DENND5B: variants seen among roughly 807,000 people sequenced by gnomAD.
DENND5B encodes DENN domain containing 5B.
A neutral mutation model predicts 140.6 loss-of-function variants in DENND5B; 34 were observed. That is an observed-to-expected ratio of 0.24 (90% CI 0.18 to 0.32). DENND5B has a LOEUF of 0.32. Ranked by LOEUF, DENND5B falls within the 10% of genes least tolerant of loss-of-function variation. DENND5B has a pLI of 1.00. For synonymous variants in DENND5B, 551 were observed against 562.1 expected (o/e 0.98, Z 0.28); for missense variants, 1,142 against 1,560.2 (o/e 0.73, Z 4.52).
At chr12:31,542,888 G>A (rs1230512089) in intron 1 of DENND5B, among the ~76,000 whole-genome samples, 1 of 152,130 alleles carries the variant, frequency 6.6e-6, no homozygotes, top group Non-Finnish European at 1.5e-5. Flanking sequence ...CCTGGGAGGT[G>A]GAAGTTGCAG....
At chr12:31,406,576 T>C (rs1942136216) in intron 14 of DENND5B, among the ~76,000 whole-genome samples, 1 of 152,192 alleles carries the variant, frequency 6.6e-6, no homozygotes. Context: ...TCTCATTTCT[T>C]GCACTGCTAA....
rs771993761 is a variant in DENND5B, at chr12:31,479,614, C to T, written c.879G>A (p.Glu293=). Residue 293 remains glutamate, a synonymous_variant, in exon 3 of 21, where the codon GAG becomes GAA. Transcript: ENST00000389082. ...CTTGTGAGTAGAGAAGGATTTGCAT[C>T]TCTAAAAGAACACAGGTAAACACCT... The part of the protein sequence containing the change: ...LVQVFTCVLL[E]MQILLYSQDY... 1.3e-6 allele frequency: 2 copies of T among 1,502,302 alleles called. No homozygotes were observed. The highest frequency in any genetic ancestry group is 1.8e-6 in the Non-Finnish European group (2 of 1,127,330). 93.1% of individuals were successfully genotyped at this position (1,502,302 alleles called of 1,614,324 possible).
In DENND5B at chr12:31,479,719, C is replaced by G. The variant is rs1197616605; in HGVS notation, c.774G>C (p.Arg258Ser). 1.3e-6 allele frequency: 2 copies of G among 1,598,350 alleles called. No homozygotes were observed. The highest frequency in any genetic ancestry group is 3.5e-5 in the Admixed American group (2 of 56,884). The change falls in exon 3 of 21, where the codon AGG becomes AGC. Residue 258 changes from arginine (R) to serine (S), a missense_variant. By Grantham distance (110) the Arg-to-Ser change is moderately radical. Coordinates refer to ENST00000389082, the MANE Select transcript of DENND5B (RefSeq NM_144973.4). Reference sequence around the variant, plus strand: ...AGAGGGGGAGTTCACTGGGCCCAGGCCTCTGGCAGATGACAGGTTCATAAA... The same window carrying G: ...AGAGGGGGAGTTCACTGGGCCCAGGGCTCTGGCAGATGACAGGTTCATAAA... ...YGVYEPVICQRPGPSELPLSD... is the reference protein window; with the variant it reads ...YGVYEPVICQSPGPSELPLSD...
intron 2 of DENND5B, among the ~76,000 whole-genome samples, chr12:31,494,181 T>TATCTATCTATCTATCTATCC (rs1268264034): frequency 1.5e-4 from 13 of 85,778 alleles, no homozygotes; most frequent in African/African-American, 6.0e-4. Flanking sequence ...TCTATCTATC[T>TATCTATCTATCTATCTATCC]ATCCATCCAT....
At chr12:31,465,041 G>C (rs1389727783) in intron 3 of DENND5B, 2 of 152,214 alleles carry the variant, frequency 1.3e-5, no homozygotes, top group Non-Finnish European at 2.9e-5. Flanking sequence ...AAAACATACT[G>C]TCAAAAATGT....
intron 1 of DENND5B, among the ~76,000 whole-genome samples, chr12:31,500,959 T>C (rs7307616): frequency 0.56 from 84,741 of 151,978 alleles, 24,075 homozygotes; most frequent in East Asian, 0.82. Flanking sequence ...GTATATCTGA[T>C]AAGTACTCAT....
chr12:31,509,551 A>G (rs1274634821), intron 1 of DENND5B, among the ~76,000 whole-genome samples: 1 of 152,232 alleles, frequency 6.6e-6, no homozygotes, highest in Non-Finnish European at 1.5e-5. Context: ...AAATAAATAC[A>G]TAAAAATAAT....
intron 4 of DENND5B, among the ~76,000 whole-genome samples, chr12:31,453,652 A>G (rs992718886): frequency 1.3e-5 from 2 of 152,148 alleles, no homozygotes; most frequent in African/African-American, 4.8e-5. Context: ...AAGCTTCACT[A>G]TGTGTTTCTC....
chr12:31,582,504 T>A (rs1950237219), intron 1 of DENND5B, among the ~76,000 whole-genome samples: 1 of 152,180 alleles, frequency 6.6e-6, no homozygotes, highest in Non-Finnish European at 1.5e-5. Context: ...AGCAAAGAGG[T>A]TTTTTAAAAA....
At chr12:31,552,167 T>C (rs1447492109) in intron 1 of DENND5B, among the ~76,000 whole-genome samples, 1 of 152,146 alleles carries the variant, frequency 6.6e-6, no homozygotes, top group Non-Finnish European at 1.5e-5. Flanking sequence ...ATGCTTCCAG[T>C]TTTTGCCCAT....
At position 31,382,322 on chromosome 12, in the gene DENND5B, A is replaced by T. The variant is rs1285768971; in HGVS notation, c.*5281T>A. 2.0e-5 allele frequency: 3 copies of T among 152,194 alleles called. No homozygotes were observed. The highest frequency in any genetic ancestry group is 2.9e-5 in the Non-Finnish European group (2 of 68,028). The allele number at this position is 152,194 out of a possible 1,614,324, so 9.4% of individuals were successfully genotyped here. ...AAAAACCCACGTCAGTTTGTCTGAT[A>T]TGTATGTTAAAGTGCTTAATATCAC... On this transcript the variant is annotated 3_prime_UTR_variant, in exon 21 of 21. Coordinates refer to ENST00000389082, the MANE Select transcript of DENND5B (RefSeq NM_144973.4).
intron 1 of DENND5B, among the ~76,000 whole-genome samples, chr12:31,565,245 C>A (rs1300297576): frequency 7.2e-5 from 11 of 151,996 alleles, no homozygotes; most frequent in Admixed American, 7.2e-4. Flanking sequence ...AATAAAAAAA[C>A]CAGCTAGGTG....
At chr12:31,581,888 C>A (rs746571691) in intron 1 of DENND5B, among the ~76,000 whole-genome samples, 1 of 152,046 alleles carries the variant, frequency 6.6e-6, no homozygotes. Context: ...TCGTGTAGTA[C>A]GTACAGATAA....
At chr12:31,480,314 A>C (rs1946016837) in intron 2 of DENND5B, 59 bp from the exon 3 acceptor site, 1 of 1,363,092 alleles carries the variant, frequency 7.3e-7, no homozygotes, top group African/African-American at 1.8e-5. Flanking sequence ...TCAAGCCAGA[A>C]ATAAATGTTG....
chr12:31,405,994 C>T lies in DENND5B; in HGVS notation c.2803+3269G>A, dbSNP rs571488909. On this transcript the variant is annotated intron_variant, in intron 14 of 20. Transcript: ENST00000389082. ...TGGAGTAGCTGGGATTACAGGTGTGCGCCCACCATGCCCAGCTAATTTTTG... is the reference window on the plus strand; with the variant it reads ...TGGAGTAGCTGGGATTACAGGTGTGTGCCCACCATGCCCAGCTAATTTTTG... Among the ~76,000 whole-genome samples the T allele has an allele frequency of 5.3e-5, 8 of 151,414 alleles. No individual in the cohort carries two copies. In the South Asian group the frequency reaches 8.4e-4, roughly 16 times the overall value.
intron 1 of DENND5B, among the ~76,000 whole-genome samples, chr12:31,566,314 T>C (rs1470054749): frequency 2.7e-5 from 4 of 146,524 alleles, no homozygotes; most frequent in Non-Finnish European, 4.5e-5. Context: ...CAGGGAAACA[T>C]AGTGAGAACC....
intron 1 of DENND5B, among the ~76,000 whole-genome samples, chr12:31,568,940 A>T (rs1219991670): frequency 6.6e-6 from 1 of 151,900 alleles, no homozygotes. Context: ...TTTTGAGACA[A>T]GGGTCTGGTA....
intron 1 of DENND5B, among the ~76,000 whole-genome samples, chr12:31,561,384 G>T (rs1949469136): frequency 6.6e-6 from 1 of 152,122 alleles, no homozygotes; most frequent in Non-Finnish European, 1.5e-5. Flanking sequence ...AGCTACTTGA[G>T]AGGCTGAGGA....
intron 1 of DENND5B, among the ~76,000 whole-genome samples, chr12:31,545,193 C>A (rs1948815297): frequency 6.6e-6 from 1 of 152,034 alleles, no homozygotes; most frequent in Non-Finnish European, 1.5e-5. Flanking sequence ...ATGATGTTAG[C>A]AGCATGTTTT....
Sources: gnomAD v4.1 joint callset for allele counts (sites outside exome capture counted in the v4.1 genomes callset) on GRCh38, gnomAD v4.1.1 for gene constraint, MANE v1.5 for transcripts, NCBI Gene and HGNC (gene_info 2026-07-23, HGNC 2026-07-21) for gene names.